The following RAP1GAP2 variants were observed in gnomAD, a reference collection of about 807,000 sequenced individuals.
RAP1GAP2 encodes the protein rap1 GTPase-activating protein 2.
Under a neutral mutation model 95.0 loss-of-function variants are expected in RAP1GAP2, and 27 were observed. The observed-to-expected ratio is 0.28, with a 90% CI of 0.21 to 0.39. RAP1GAP2 has a LOEUF of 0.39. Ranked by LOEUF, RAP1GAP2 falls within the 10% of genes least tolerant of loss-of-function variation. The pLI, the probability that RAP1GAP2 is intolerant of heterozygous loss-of-function variation, is 1.00. For missense variants in RAP1GAP2, 771 were observed against 970.0 expected, an observed-to-expected ratio of 0.79 and a Z score of 2.72; for synonymous variants, 373 against 380.9, an observed-to-expected ratio of 0.98 and a Z score of 0.24.
chr17:2,851,609 TG>T (rs996376776), intron 2 of RAP1GAP2, among the ~76,000 whole-genome samples: 1 of 152,110 alleles, frequency 6.6e-6, no homozygotes, highest in Non-Finnish European at 1.5e-5. Flanking sequence ...TACGATTTTT[TG>T]GGGGACAGCC....
intron 11 of RAP1GAP2, among the ~76,000 whole-genome samples, chr17:2,986,392 A>G (rs910633562): frequency 6.6e-6 from 1 of 152,118 alleles, no homozygotes; most frequent in African/African-American, 2.4e-5. Flanking sequence ...TGCTTGTGGA[A>G]TTTACCAAAG....
rs2042188005 is a variant in RAP1GAP2, at chr17:2,906,030, C to T, written c.165+662C>T. On this transcript the variant is annotated intron_variant, in intron 3 of 24. Coordinates refer to ENST00000254695, the MANE Select transcript of RAP1GAP2 (RefSeq NM_015085.5). The surrounding 1 kb of genome is among the most constrained non-coding windows in gnomAD (Gnocchi z 4.3). ...GGCCACACAGGCCTGAGCTGGTCCTCAGAGGAGACTTTTGGCTCAGCCAGT... is the reference window on the plus strand; with the variant it reads ...GGCCACACAGGCCTGAGCTGGTCCTTAGAGGAGACTTTTGGCTCAGCCAGT... Among the ~76,000 whole-genome samples the T allele has an allele frequency of 6.6e-6, 1 of 152,320 alleles. No individual in the cohort carries two copies. The highest frequency in any genetic ancestry group is 2.1e-4 in the South Asian group (1 of 4,828).
intron 2 of RAP1GAP2, among the ~76,000 whole-genome samples, chr17:2,879,551 C>A (rs1478267407): frequency 1.3e-5 from 2 of 151,890 alleles, no homozygotes; most frequent in African/African-American, 2.4e-5. Context: ...CATGGTGAAA[C>A]CCCGTCTCTA....
chr17:3,001,431 C>T (rs866666440), intron 14 of RAP1GAP2, among the ~76,000 whole-genome samples: 475 of 104,686 alleles, frequency 4.5e-3, no homozygotes, highest in African/African-American at 0.012. Context: ...GGAGAAGGGA[C>T]AGAAGAAGCA....
intron 3 of RAP1GAP2, among the ~76,000 whole-genome samples, chr17:2,944,457 G>A (rs1204548700): frequency 6.6e-6 from 1 of 152,142 alleles, no homozygotes; most frequent in African/African-American, 2.4e-5. Flanking sequence ...AGATGTGTGG[G>A]TTTATCTCTG....
In RAP1GAP2 at chr17:2,780,441, TC is replaced by T. The variant is rs2068618669; in HGVS notation, c.-14+3165del. Reference sequence around the variant, plus strand: ...AGGGGAGGAGTTGTTTGCAAACAGTTCCTGTTATGAGCGGCGATTGGAGAAG... The same window carrying T: ...AGGGGAGGAGTTGTTTGCAAACAGTTCTGTTATGAGCGGCGATTGGAGAAG... On this transcript the variant is annotated intron_variant, in intron 1 of 24. Transcript: ENST00000540393. Among the ~76,000 whole-genome samples, 7 of 152,336 alleles carry T rather than the reference TC, an allele frequency of 4.6e-5. 1 individual carries two copies. The South Asian group carries it at 1.4e-3, about 32-fold the overall frequency.
At chr17:3,020,312 C>T (rs1301631124) in intron 18 of RAP1GAP2, among the ~76,000 whole-genome samples, 165 bp from the exon 19 acceptor site, 1 of 152,216 alleles carries the variant, frequency 6.6e-6, no homozygotes, top group African/African-American at 2.4e-5. Context: ...GCCTGAGTCT[C>T]CAGGTCTCAG....
chr17:2,830,518 A>T (rs969893132), intron 2 of RAP1GAP2, among the ~76,000 whole-genome samples: 1 of 152,106 alleles, frequency 6.6e-6, no homozygotes, highest in Non-Finnish European at 1.5e-5. Flanking sequence ...GATCGAGACC[A>T]TCCTGGCTAA....
chr17:2,822,617 G>GTTTTTTTTTTTTTTTTTTTTTTT (rs1212676493), intron 2 of RAP1GAP2, among the ~76,000 whole-genome samples: 1 of 117,744 alleles, frequency 8.5e-6, no homozygotes, highest in African/African-American at 3.4e-5. Flanking sequence ...ATAAAACCCT[G>GTTTTTTTTTTTTTTTTTTTTTTT]TTTTTTTTTG....
chr17:2,799,343 G>A (rs757476306), intron 1 of RAP1GAP2, among the ~76,000 whole-genome samples: 10 of 152,192 alleles, frequency 6.6e-5, no homozygotes, highest in Non-Finnish European at 1.3e-4. Flanking sequence ...CAGGCCCCTC[G>A]GGGTGCCGCT....
intron 3 of RAP1GAP2, among the ~76,000 whole-genome samples, chr17:2,922,263 G>A (rs919936712): frequency 2.0e-5 from 3 of 152,182 alleles, no homozygotes; most frequent in Non-Finnish European, 4.4e-5. Context: ...CTATGAGGAC[G>A]TTAATCCCGT....
intron 3 of RAP1GAP2, among the ~76,000 whole-genome samples, chr17:2,914,083 G>A (rs2042484920): frequency 6.6e-6 from 1 of 152,072 alleles, no homozygotes; most frequent in African/African-American, 2.4e-5. Flanking sequence ...ATGTTGGCCA[G>A]GATGGTCTCG....
intron 1 of RAP1GAP2, among the ~76,000 whole-genome samples, chr17:2,780,556 C>A (rs944013425): frequency 6.6e-6 from 1 of 151,720 alleles, no homozygotes; most frequent in Admixed American, 6.6e-5. Flanking sequence ...GCAATGTGCA[C>A]CCCCCCCAGG....
At chr17:2,843,762 T>G (rs959880842) in intron 2 of RAP1GAP2, among the ~76,000 whole-genome samples, 1 of 152,118 alleles carries the variant, frequency 6.6e-6, no homozygotes, top group Non-Finnish European at 1.5e-5. Flanking sequence ...ATTGCTGACA[T>G]GGGGCCACGT....
intron 3 of RAP1GAP2, among the ~76,000 whole-genome samples, chr17:2,939,893 G>A (rs1053618805): frequency 2.0e-5 from 3 of 152,258 alleles, no homozygotes; most frequent in African/African-American, 4.8e-5. Flanking sequence ...GCTAGTCAGC[G>A]TGGACTAACA....
intron 2 of RAP1GAP2, among the ~76,000 whole-genome samples, chr17:2,830,336 C>A (rs949799707): frequency 6.6e-6 from 1 of 152,102 alleles, no homozygotes; most frequent in East Asian, 1.9e-4. Context: ...ATAGCTTGAA[C>A]CCATGAGGCG....
rs2046256073 is a variant in RAP1GAP2 at position 3,004,067 on chromosome 17, C to T, written c.1201-1302C>T. Reference sequence around the variant, plus strand: ...TGCCCTCTGGCCTCTGTCCCAGGTGCCCACGGTCTGCAGTCTCCCCATAGC... The same window carrying T: ...TGCCCTCTGGCCTCTGTCCCAGGTGTCCACGGTCTGCAGTCTCCCCATAGC... On this transcript the variant is annotated intron_variant, in intron 14 of 24. Transcript: ENST00000254695. This position sits in a 1 kb window ranked among gnomAD's most constrained non-coding sequence, Gnocchi z 4.1. Among the ~76,000 whole-genome samples, 1 of 152,210 alleles carries T rather than the reference C, an allele frequency of 6.6e-6. No individual in the cohort carries two copies. The highest frequency in any genetic ancestry group is 6.5e-5 in the Admixed American group (1 of 15,280).
chr17:3,006,372 C>T (rs1160466033), intron 16 of RAP1GAP2, among the ~76,000 whole-genome samples: 2 of 151,124 alleles, frequency 1.3e-5, no homozygotes, highest in Non-Finnish European at 2.9e-5. Flanking sequence ...TCAGGTGATC[C>T]GCCTGGCCCA....
Position 3,027,998 on chromosome 17 carries a change from C to T in RAP1GAP2, c.2107+928C>T, listed in dbSNP as rs970927803. Among the ~76,000 whole-genome samples the T allele has an allele frequency of 2.0e-5, 3 of 152,098 alleles. No individual in the cohort carries two copies. The highest frequency in any genetic ancestry group is 1.9e-4 in the East Asian group (1 of 5,162). On this transcript the variant is annotated intron_variant, in intron 22 of 24. Coordinates refer to ENST00000254695, the MANE Select transcript of RAP1GAP2 (RefSeq NM_015085.5). This position sits in a 1 kb window ranked among gnomAD's most constrained non-coding sequence, Gnocchi z 5.2. The stretch of plus-strand genomic sequence containing the variant: ...GACCTGTGCGGTGGGCACTGCTGGG[C>T]GGGTGCTCCGGGTCTCTGCCCTCGT...
Sources: gnomAD v4.1 joint callset for allele counts (sites outside exome capture counted in the v4.1 genomes callset) on GRCh38, gnomAD v4.1.1 for gene constraint, Gnocchi (gnomAD v3.1) non-coding constraint, MANE v1.5 for transcripts, NCBI Gene and HGNC (gene_info 2026-07-23, HGNC 2026-07-21) for gene names.